The following PRPSAP2 variants were observed in gnomAD, a reference collection of about 807,000 sequenced individuals.
PRPSAP2 encodes the protein phosphoribosyl pyrophosphate synthetase associated protein 2, also known as phosphoribosyl pyrophosphate synthase-associated protein 2.
In PRPSAP2, 24 loss-of-function variants were observed where a neutral mutation model predicts 40.6. The observed-to-expected ratio is 0.59, with a 90% CI of 0.43 to 0.83. PRPSAP2 has a LOEUF of 0.83. Ranked by LOEUF, PRPSAP2 falls within the 40% of genes least tolerant of loss-of-function variation. The pLI, the probability that PRPSAP2 is intolerant of heterozygous loss-of-function variation, is 0.00. For missense variants in PRPSAP2, 292 were observed against 465.6 expected, an observed-to-expected ratio of 0.63 and a Z score of 3.43; for synonymous variants, 149 against 164.7, an observed-to-expected ratio of 0.90 and a Z score of 0.73.
intron 8 of PRPSAP2, among the ~76,000 whole-genome samples, chr17:18,890,995 T>C (rs1326811819): frequency 2.0e-5 from 3 of 152,218 alleles, no homozygotes; most frequent in African/African-American, 7.2e-5. Flanking sequence ...GGATTTCTTA[T>C]ACTACCAGTG....
chr17:18,926,480 G>T (rs1346267407), intron 10 of PRPSAP2, among the ~76,000 whole-genome samples: 1 of 151,966 alleles, frequency 6.6e-6, no homozygotes, highest in African/African-American at 2.4e-5. Context: ...TATTCACCAG[G>T]CTGGTTTCGA....
chr17:18,868,209 C>G (rs1371584234), intron 4 of PRPSAP2, among the ~76,000 whole-genome samples: 1 of 152,118 alleles, frequency 6.6e-6, no homozygotes, highest in Non-Finnish European at 1.5e-5. Flanking sequence ...CGTGGTGGCT[C>G]ACGCCTGTAA....
chr17:18,894,212 C>A (rs532702027), intron 8 of PRPSAP2, among the ~76,000 whole-genome samples: 18 of 151,842 alleles, frequency 1.2e-4, no homozygotes, highest in African/African-American at 4.3e-4. Flanking sequence ...GGCTGGGGTA[C>A]AATGGCACGA....
Position 18,928,897 on chromosome 17 carries a change from A to G in PRPSAP2, c.891A>G (p.Ala297=), listed in dbSNP as rs1203297079. 1 of 1,614,060 alleles carries G rather than the reference A, an allele frequency of 6.2e-7. No individual in the cohort carries two copies. ...ERGAYKIFVM[A]THGLLSSDAP... is the part of the protein sequence containing the mutation. Reference sequence around the variant, plus strand: ...GTGCATATAAGATCTTTGTGATGGCAACTCATGGCTTGTTGTCTTCTGACG... The same window carrying G: ...GTGCATATAAGATCTTTGTGATGGCGACTCATGGCTTGTTGTCTTCTGACG... The change falls in exon 11 of 12, where the codon GCA becomes GCG. Residue 297 remains alanine, a synonymous_variant. Transcript: ENST00000268835.
chr17:18,915,262 G>A (rs1222782012), intron 9 of PRPSAP2, among the ~76,000 whole-genome samples: 6 of 151,844 alleles, frequency 4.0e-5, no homozygotes, highest in Admixed American at 3.3e-4. Context: ...TGGGCTCAAA[G>A]CGATCCTTCC....
At chr17:18,874,829 C>T (rs566905803) in intron 5 of PRPSAP2, among the ~76,000 whole-genome samples, 5 of 152,300 alleles carry the variant, frequency 3.3e-5, no homozygotes, top group Admixed American at 6.5e-5. Flanking sequence ...AGGGAAGGGG[C>T]GGGCACAGAA....
intron 11 of PRPSAP2, 90 bp downstream of exon 11, chr17:18,929,047 A>T: frequency 6.6e-7 from 1 of 1,512,408 alleles, no homozygotes; most frequent in Non-Finnish European, 8.9e-7. Context: ...CAAGACTGAG[A>T]TCTTTTGTGG....
At chr17:18,872,512 G>T in intron 4 of PRPSAP2, 71 bp from the exon 5 acceptor site, 2 of 1,189,620 alleles carry the variant, frequency 1.7e-6, no homozygotes, top group Non-Finnish European at 2.5e-6. Flanking sequence ...GAATAATACA[G>T]ATTTTTTTGT....
chr17:18,891,194 G>A (rs1197272568), intron 8 of PRPSAP2, among the ~76,000 whole-genome samples: 12 of 152,220 alleles, frequency 7.9e-5, no homozygotes. Context: ...TGGGCTGGCA[G>A]TATTGAAGGA....
chr17:18,909,841 G>T (rs553403747), intron 8 of PRPSAP2, among the ~76,000 whole-genome samples: 17 of 152,004 alleles, frequency 1.1e-4, no homozygotes, highest in African/African-American at 3.9e-4. Context: ...GGAGGTGGAG[G>T]TTCACACCAC....
intron 8 of PRPSAP2, among the ~76,000 whole-genome samples, chr17:18,906,571 T>C (rs1375773597): frequency 2.0e-5 from 3 of 152,028 alleles, no homozygotes; most frequent in African/African-American, 7.3e-5. Flanking sequence ...CCCAGGCTGG[T>C]CTCAAACCCC....
At chr17:18,914,129 CA>C (rs2041142798) in intron 9 of PRPSAP2, among the ~76,000 whole-genome samples, 1 of 149,390 alleles carries the variant, frequency 6.7e-6, no homozygotes, top group African/African-American at 2.5e-5. Context: ...AGCTGAGATC[CA>C]AGACTGTGCC....
chr17:18,883,192 A>C (rs955701717), intron 7 of PRPSAP2, among the ~76,000 whole-genome samples: 2 of 152,092 alleles, frequency 1.3e-5, no homozygotes, highest in Non-Finnish European at 2.9e-5. Context: ...TTTCTGTATC[A>C]GTGGAGATGA....
At chr17:18,894,591 G>T (rs1422549183) in intron 8 of PRPSAP2, among the ~76,000 whole-genome samples, 2 of 148,292 alleles carry the variant, frequency 1.3e-5, no homozygotes, top group African/African-American at 5.0e-5. Flanking sequence ...GCAATTCTCT[G>T]CCTCACCTCC....
At chr17:18,930,252 C>G (rs2042191409) in intron 11 of PRPSAP2, among the ~76,000 whole-genome samples, 1 of 152,026 alleles carries the variant, frequency 6.6e-6, no homozygotes, top group Non-Finnish European at 1.5e-5. Context: ...GGGCGCCTGT[C>G]GTCCCAGCTT....
intron 9 of PRPSAP2, among the ~76,000 whole-genome samples, chr17:18,920,969 A>G (rs1038292798): frequency 2.0e-5 from 3 of 152,080 alleles, no homozygotes; most frequent in African/African-American, 4.8e-5. Context: ...TCAGGTCACC[A>G]GAAACTTTGA....
At position 18,908,285 on chromosome 17, in the gene PRPSAP2, G is replaced by A. The variant is rs1597699446; in HGVS notation, c.585-2818G>A. On this transcript the variant is annotated intron_variant, in intron 8 of 11. Transcript: ENST00000268835. The stretch of plus-strand genomic sequence containing the variant: ...GCTGCCGCTTTCGCAGCACGCCAAG[G>A]ACACTCATGAGGACCATGATACTTC... The A allele has an allele frequency of 7.7e-6, 6 of 774,684 alleles. No homozygotes were observed. The East Asian group carries it at 1.5e-4, about 19-fold the overall frequency. 48.0% of individuals were successfully genotyped at this position (774,684 alleles called of 1,614,324 possible).
intron 7 of PRPSAP2, among the ~76,000 whole-genome samples, chr17:18,885,550 G>A (rs112016161): frequency 0.073 from 11,006 of 151,422 alleles, 436 homozygotes; most frequent in Admixed American, 0.099. Flanking sequence ...TGCAGCCTCC[G>A]CCTCCTGGGT....
At chr17:18,928,666 C>T in intron 10 of PRPSAP2, 145 bp from the exon 11 acceptor site, 1 of 1,011,952 alleles carries the variant, frequency 9.9e-7, no homozygotes, top group South Asian at 1.3e-5. Flanking sequence ...GTGATGGGGA[C>T]ATGGGGCCAT....
Sources: gnomAD v4.1 joint callset for allele counts (sites outside exome capture counted in the v4.1 genomes callset) on GRCh38, gnomAD v4.1.1 for gene constraint, MANE v1.5 for transcripts, NCBI Gene and HGNC (gene_info 2026-07-23, HGNC 2026-07-21) for gene names.